The following CTNND1 variants were observed in gnomAD, a reference collection of about 807,000 sequenced individuals.
CTNND1 encodes the protein catenin delta 1.
In CTNND1, 16 loss-of-function variants were observed where a neutral mutation model predicts 112.1. The ratio of observed to expected loss-of-function variants is 0.14; its 90% CI spans 0.10 to 0.22. The LOEUF is 0.22. Among genes scored for constraint, CTNND1 ranks in the 10% least tolerant of loss-of-function variants. The probability of loss-of-function intolerance (pLI) is 1.00; values close to 1 mark genes in which losing one functional copy is unlikely to be tolerated. For missense variants in CTNND1, 1,008 were observed against 1,257.0 expected (o/e 0.80, Z 3.00); for synonymous variants, 420 against 446.5 (o/e 0.94, Z 0.75).
At chr11:57,805,576 G>GTA (rs376598858) in intron 9 of CTNND1, among the ~76,000 whole-genome samples, 1 of 151,498 alleles carries the variant, frequency 6.6e-6, no homozygotes, top group African/African-American at 2.4e-5. Flanking sequence ...TGTCACCTAT[G>GTA]TATTTTAAAG....
At chr11:57,770,543 C>T (rs753378384) in intron 1 of CTNND1, among the ~76,000 whole-genome samples, 4 of 151,860 alleles carry the variant, frequency 2.6e-5, no homozygotes, top group African/African-American at 4.8e-5. Flanking sequence ...GTCCCAGCTC[C>T]TCAGGAGGCT....
At chr11:57,785,967 TGA>T (rs2060088038) in intron 1 of CTNND1, among the ~76,000 whole-genome samples, 1 of 152,126 alleles carries the variant, frequency 6.6e-6, no homozygotes, top group Non-Finnish European at 1.5e-5. Flanking sequence ...CAGACGAGAC[TGA>T]GTTTTTATCA....
Position 57,803,707 on chromosome 11 carries a change from A to G in CTNND1, c.1507A>G (p.Ile503Val), listed in dbSNP as rs1488035484. The change falls in exon 8 of 21, where the codon ATT becomes GTT. Residue 503 changes from isoleucine to valine, a missense_variant. This residue lies in a region of CTNND1 where 216 missense variants were observed against 342.8 expected (regional missense o/e 0.63). Transcript: ENST00000399050. The part of the protein sequence containing the change: ...ALHALTDEVI[I>V]PHSGWEREPN... ...GCATGCCTTGACAGATGAAGTGATC[A>G]TTCCTCATTCTGGTTGGGAGCGGGA... is the stretch of plus-strand genomic sequence containing the variant. 1 of 1,613,816 alleles carries G rather than the reference A, an allele frequency of 6.2e-7. No homozygotes were observed.
intron 3 of CTNND1, 133 bp from the exon 4 acceptor site, chr11:57,793,877 T>C (rs976933255): frequency 1.3e-6 from 1 of 783,222 alleles, no homozygotes; most frequent in Non-Finnish European, 2.1e-6. Context: ...CTTTTATGAG[T>C]ACTGACACAA....
chr11:57,817,345 C>G lies in CTNND1; in HGVS notation c.*1037C>G, dbSNP rs1420240668. On this transcript the variant is annotated 3_prime_UTR_variant, in exon 21 of 21. Coordinates refer to ENST00000399050, the MANE Select transcript of CTNND1 (RefSeq NM_001085458.2). Reference sequence around the variant, plus strand: ...CATAACTCCTGTCCCTTTTCCCTTACAAGGTGGGGATTGCCCCTGGCTTTG... The same window carrying G: ...CATAACTCCTGTCCCTTTTCCCTTAGAAGGTGGGGATTGCCCCTGGCTTTG... 1 of 152,782 alleles carries G rather than the reference C, an allele frequency of 6.5e-6. No homozygotes were observed. Among genetic ancestry groups the G allele is most frequent in the African/African-American group, 2.4e-5 (1 of 41,458 alleles). 9.5% of individuals were successfully genotyped at this position (152,782 alleles called of 1,614,324 possible). A position where few individuals can be genotyped will look rare whatever the true frequency, so the allele number is the denominator to read the frequency against.
chr11:57,791,680 CCT>C lies in CTNND1; in HGVS notation c.195+13_195+14del. On this transcript the variant is annotated splice_region_variant and intron_variant, in intron 3 of 20. Transcript: ENST00000399050. ...ACTCACCCGCCGGCATCAGGTAACCCCTCTCTCCATCAGACGTGCAGGTAGGA... is the reference window on the plus strand; with the variant it reads ...ACTCACCCGCCGGCATCAGGTAACCCCTCTCCATCAGACGTGCAGGTAGGA... 2 of 1,543,102 alleles carry C rather than the reference CCT, an allele frequency of 1.3e-6. No homozygotes were observed.
Position 57,815,762 on chromosome 11 carries a change from C to T in CTNND1, c.2809-153C>T, listed in dbSNP as rs1040532280. ...ATCTACTTTCAAACATTACCTTTTT[C>T]CTCTCCCTCCCTGTTTATGAATGTT... On this transcript the variant is annotated intron_variant, in intron 19 of 20. Transcript: ENST00000399050. The T allele has an allele frequency of 3.9e-6, 3 of 762,704 alleles. No homozygotes were observed. The Admixed American group carries it at 6.1e-5, about 15-fold the overall frequency. 47.2% of individuals were successfully genotyped at this position (762,704 alleles called of 1,614,324 possible).
intron 1 of CTNND1, among the ~76,000 whole-genome samples, chr11:57,780,399 C>G (rs1156524618): frequency 6.6e-6 from 1 of 152,106 alleles, no homozygotes. Flanking sequence ...AATTCATACT[C>G]TTTCCACTTT....
At chr11:57,762,269 AACAAAC>A in intron 1 of CTNND1, 150 bp downstream of exon 1, 1 of 214,232 alleles carries the variant, frequency 4.7e-6, no homozygotes, top group Non-Finnish European at 8.0e-6. Flanking sequence ...AAGACCTAGA[AACAAAC>A]TTCTAGGTCT....
chr11:57,806,584 A>G (rs1468793241), intron 11 of CTNND1, 106 bp downstream of exon 11: 5 of 1,051,386 alleles, frequency 4.8e-6, no homozygotes, highest in East Asian at 2.6e-5. Context: ...TGCATGTAGG[A>G]AAGTTCAGTT....
intron 1 of CTNND1, among the ~76,000 whole-genome samples, chr11:57,778,517 A>G (rs2059243699): frequency 6.6e-6 from 1 of 152,210 alleles, no homozygotes; most frequent in Admixed American, 6.5e-5. Flanking sequence ...TCAAACTTTT[A>G]GATCCACACA....
intron 1 of CTNND1, among the ~76,000 whole-genome samples, chr11:57,766,699 G>A (rs1024461570): frequency 3.3e-5 from 5 of 152,158 alleles, no homozygotes; most frequent in African/African-American, 4.8e-5. Context: ...GAACTAATGA[G>A]GGGGAAATTA....
chr11:57,792,391 G>C (rs1435567164), intron 3 of CTNND1, among the ~76,000 whole-genome samples: 1 of 152,194 alleles, frequency 6.6e-6, no homozygotes, highest in Admixed American at 6.5e-5. Context: ...GATGTAATCT[G>C]TCTGAGGTTT....
intron 9 of CTNND1, 129 bp from the exon 10 acceptor site, chr11:57,805,753 C>T: frequency 9.3e-7 from 1 of 1,074,610 alleles, no homozygotes; most frequent in South Asian, 1.7e-5. Flanking sequence ...AAGAGGCATC[C>T]TGAGAAGTTA....
intron 1 of CTNND1, among the ~76,000 whole-genome samples, chr11:57,768,686 C>T (rs1315712342): frequency 6.6e-6 from 1 of 152,008 alleles, no homozygotes; most frequent in African/African-American, 2.4e-5. Flanking sequence ...AGCCACCAAG[C>T]CCAGCCAGAC....
intron 1 of CTNND1, among the ~76,000 whole-genome samples, chr11:57,779,395 T>C (rs1458342097): frequency 6.6e-6 from 1 of 152,212 alleles, no homozygotes; most frequent in Admixed American, 6.5e-5. Flanking sequence ...TTCTCTCTTG[T>C]TTTGTGTTTT....
At chr11:57,765,785 G>T (rs1479704512) in intron 1 of CTNND1, among the ~76,000 whole-genome samples, 1 of 152,052 alleles carries the variant, frequency 6.6e-6, no homozygotes, top group Non-Finnish European at 1.5e-5. Flanking sequence ...ATATTTTTAA[G>T]CAAAGTTTCT....
chr11:57,775,949 T>C (rs1954124224), intron 1 of CTNND1, among the ~76,000 whole-genome samples: 1 of 152,220 alleles, frequency 6.6e-6, no homozygotes, highest in Non-Finnish European at 1.5e-5. Context: ...TTCAACCTTA[T>C]ATACACCTCC....
chr11:57,815,247 C>T (rs889255573), intron 18 of CTNND1, 147 bp from the exon 19 acceptor site: 5 of 547,850 alleles, frequency 9.1e-6, no homozygotes, highest in Non-Finnish European at 1.3e-5. Flanking sequence ...TTCTTTAAGT[C>T]GGGGACCATC....
Sources: gnomAD v4.1 joint callset for allele counts (sites outside exome capture counted in the v4.1 genomes callset) on GRCh38, gnomAD v4.1.1 for gene constraint, gnomAD v4.1.1 regional missense constraint, MANE v1.5 for transcripts, NCBI Gene and HGNC (gene_info 2026-07-23, HGNC 2026-07-21) for gene names.